SLC23A2: variants seen among roughly 807,000 people sequenced by gnomAD.
SLC23A2 encodes the protein solute carrier family 23 member 2, also known as Na(+)/L-ascorbic acid transporter 2.
Under a neutral mutation model 73.3 loss-of-function variants are expected in SLC23A2, and 36 were observed. That is an observed-to-expected ratio of 0.49 (90% CI 0.38 to 0.65). SLC23A2 has a LOEUF of 0.65. Among genes scored for constraint, SLC23A2 ranks in the 30% least tolerant of loss-of-function variants. The probability of loss-of-function intolerance (pLI) is 0.00; values close to 1 mark genes in which losing one functional copy is unlikely to be tolerated. For missense variants in SLC23A2, 507 were observed against 841.6 expected (o/e 0.60, Z 4.92); for synonymous variants, 343 against 327.3 (o/e 1.05, Z -0.52).
intron 4 of SLC23A2, among the ~76,000 whole-genome samples, chr20:4,904,673 A>C (rs1931872825): frequency 6.6e-6 from 1 of 152,270 alleles, no homozygotes; most frequent in African/African-American, 2.4e-5. Context: ...TGCTGCTCAC[A>C]AAGTAACATG....
intron 3 of SLC23A2, among the ~76,000 whole-genome samples, chr20:4,916,840 T>C (rs1279330061): frequency 3.3e-5 from 5 of 152,204 alleles, no homozygotes; most frequent in African/African-American, 1.2e-4. Flanking sequence ...ATAGGCTTTG[T>C]GTTAGATGCT....
At chr20:4,911,770 A>C (rs766089256) in intron 4 of SLC23A2, among the ~76,000 whole-genome samples, 6 of 152,206 alleles carry the variant, frequency 3.9e-5, no homozygotes, top group Non-Finnish European at 7.3e-5. Context: ...TATGTTAGAC[A>C]TCATGGCAGA....
chr20:4,861,715 G>A (rs900612534), intron 15 of SLC23A2, among the ~76,000 whole-genome samples: 5 of 152,120 alleles, frequency 3.3e-5, no homozygotes, highest in African/African-American at 1.2e-4. Flanking sequence ...AAAGGAGAGG[G>A]TCCCAGTGAA....
At chr20:5,003,689 T>C (rs2088159507), upstream of SLC23A2, among the ~76,000 whole-genome samples, 1 of 151,850 alleles carries the variant, frequency 6.6e-6, no homozygotes, top group Admixed American at 6.6e-5. Context: ...TCTCTAGGCA[T>C]TTACCATTTT....
chr20:4,868,013 C>T lies in SLC23A2; in HGVS notation c.1251-138G>A, dbSNP rs921975726. 12 of 482,726 alleles carry T rather than the reference C, an allele frequency of 2.5e-5. No individual in the cohort carries two copies. Among genetic ancestry groups the T allele is most frequent in the Admixed American group, 1.6e-4 (4 of 24,726 alleles). 29.9% of individuals were successfully genotyped at this position (482,726 alleles called of 1,614,324 possible). ...CCACATCTCCTGGGAGCTGGGAGGG[C>T]GATTAAAAATACAATCTCAGACCCC... is the stretch of plus-strand genomic sequence containing the variant. On this transcript the variant is annotated intron_variant, in intron 12 of 16. Transcript: ENST00000338244. This position sits in a 1 kb window ranked among gnomAD's most constrained non-coding sequence, Gnocchi z 4.4.
Position 4,883,740 on chromosome 20 carries a change from G to C in SLC23A2, c.726C>G (p.Ile242Met). Residue 242 changes from isoleucine to methionine, a missense_variant, in exon 9 of 17, where the codon ATC becomes ATG. By Grantham distance (10) the Ile-to-Met change is conservative (BLOSUM62 1). Around this residue, in one of 5 missense-constraint regions of SLC23A2, gnomAD observed 217 missense variants for 398.0 expected, o/e 0.55. Coordinates refer to ENST00000338244, the MANE Select transcript of SLC23A2 (RefSeq NM_005116.6). This position sits in a 1 kb window ranked among gnomAD's most constrained non-coding sequence, Gnocchi z 4.5. ...CCGTGGGTGTAATGGTCAAGGGACC[G>C]ATGTACTTCAGTAGAGCCCCAGGCA... ...LGLPGALLKYIGPLTITPTVA... is the reference protein window; with the variant it reads ...LGLPGALLKYMGPLTITPTVA... 1 of 1,613,834 alleles carries C rather than the reference G, an allele frequency of 6.2e-7. No individual in the cohort carries two copies. Among genetic ancestry groups the C allele is most frequent in the African/African-American group, 1.3e-5 (1 of 75,040 alleles).
At chr20:4,871,057 C>G (rs1410392282) in intron 11 of SLC23A2, among the ~76,000 whole-genome samples, 1 of 151,922 alleles carries the variant, frequency 6.6e-6, no homozygotes, top group Non-Finnish European at 1.5e-5. Flanking sequence ...TCTTACTTAA[C>G]AAAAATAGCA....
chr20:4,863,334 C>T lies in SLC23A2; in HGVS notation c.1357-427G>A, dbSNP rs527813248. Among the ~76,000 whole-genome samples the T allele has an allele frequency of 2.6e-5, 4 of 152,338 alleles. No homozygotes were observed. Among genetic ancestry groups the T allele is most frequent in the African/African-American group, 2.4e-5 (1 of 41,564 alleles). On this transcript the variant is annotated intron_variant, in intron 13 of 16. Transcript: ENST00000338244. This position sits in a 1 kb window ranked among gnomAD's most constrained non-coding sequence, Gnocchi z 4.8. ...TCTGGAACCTCCTCTCCTCACGGCA[C>T]GCTTCCCGTGAGAGGTGGAAAAGAG...
intron 3 of SLC23A2, among the ~76,000 whole-genome samples, chr20:4,915,703 T>G (rs1247116914): frequency 6.6e-6 from 1 of 152,176 alleles, no homozygotes; most frequent in Non-Finnish European, 1.5e-5. Flanking sequence ...ATCCCAGCAC[T>G]TTGGGAGGCC....
chr20:4,921,602 C>CA (rs1258373626), intron 3 of SLC23A2, among the ~76,000 whole-genome samples: 2,660 of 86,698 alleles, frequency 0.031, 74 homozygotes, highest in African/African-American at 0.09. Flanking sequence ...CAATCACAAC[C>CA]AAAAAAAAAA....
intron 2 of SLC23A2, among the ~76,000 whole-genome samples, chr20:4,954,525 C>T (rs1367682777): frequency 6.6e-6 from 1 of 151,880 alleles, no homozygotes; most frequent in Admixed American, 6.6e-5. Context: ...GGTGAAATCC[C>T]GTCTCTACTA....
intron 1 of SLC23A2, among the ~76,000 whole-genome samples, chr20:5,008,422 G>C (rs1431620262): frequency 1.3e-5 from 2 of 152,118 alleles, no homozygotes; most frequent in African/African-American, 4.8e-5. Flanking sequence ...CTATGCCCAA[G>C]GGGCTCAAAG....
chr20:4,892,128 A>C (rs937933396), intron 6 of SLC23A2, among the ~76,000 whole-genome samples: 2 of 152,100 alleles, frequency 1.3e-5, no homozygotes, highest in Admixed American at 1.3e-4. Flanking sequence ...TCACGTGACT[A>C]TTAAATGATG....
intron 1 of SLC23A2, among the ~76,000 whole-genome samples, chr20:4,974,582 C>A (rs1228232189): frequency 6.8e-6 from 1 of 147,730 alleles, no homozygotes; most frequent in African/African-American, 2.5e-5. Flanking sequence ...AAAACAAGGG[C>A]AAACTCAAAC....
intron 13 of SLC23A2, 60 bp downstream of exon 13, chr20:4,867,710 G>T: frequency 2.1e-6 from 2 of 931,886 alleles, no homozygotes; most frequent in Non-Finnish European, 3.4e-6. Flanking sequence ...TGGCCAGATC[G>T]ATCAATGAAA....
chr20:4,988,592 C>A (rs1460159454), intron 1 of SLC23A2, among the ~76,000 whole-genome samples: 4 of 151,760 alleles, frequency 2.6e-5, no homozygotes, highest in Non-Finnish European at 5.9e-5. Flanking sequence ...AAAAATTTGC[C>A]AGGCATGGTG....
chr20:5,007,850 T>G (rs2088207623), intron 1 of SLC23A2, among the ~76,000 whole-genome samples: 2 of 152,190 alleles, frequency 1.3e-5, no homozygotes, highest in Admixed American at 1.3e-4. Context: ...AACTACATTG[T>G]AGTGTGCTTC....
At chr20:4,957,543 T>C (rs2087310138) in intron 2 of SLC23A2, among the ~76,000 whole-genome samples, 1 of 148,952 alleles carries the variant, frequency 6.7e-6, no homozygotes, top group Admixed American at 6.7e-5. Flanking sequence ...ACTTTGATGG[T>C]CTTATCCCAG....
chr20:4,959,523 G>C (rs1600174390), intron 2 of SLC23A2, among the ~76,000 whole-genome samples: 1 of 152,036 alleles, frequency 6.6e-6, no homozygotes, highest in South Asian at 2.1e-4. Flanking sequence ...TTTGAGACAA[G>C]GTCTCACTCT....
Sources: allele counts gnomAD v4.1 joint callset (sites outside exome capture counted in the v4.1 genomes callset), GRCh38; gene constraint gnomAD v4.1.1; regional missense constraint gnomAD v4.1.1; non-coding constraint Gnocchi (gnomAD v3.1); transcripts MANE v1.5; gene names NCBI Gene and HGNC (gene_info 2026-07-23, HGNC 2026-07-21).